Variants in SPRYD7 observed in about 807,000 individuals in gnomAD.
SPRYD7 encodes SPRY domain containing 7, also known as SPRY domain-containing protein 7.
SPRYD7 carries 14 observed loss-of-function variants against 23.8 expected under a neutral mutation model. The observed-to-expected ratio is 0.59, with a 90% CI of 0.39 to 0.92. SPRYD7 has a LOEUF of 0.92. SPRYD7 is among the 40% of genes least tolerant of loss of function. The pLI is 0.00. For synonymous variants in SPRYD7, 75 were observed against 84.9 expected, an observed-to-expected ratio of 0.88 and a Z score of 0.64; for missense variants, 194 against 241.7, an observed-to-expected ratio of 0.80 and a Z score of 1.31.
intron 3 of SPRYD7, among the ~76,000 whole-genome samples, chr13:49,924,899 C>A (rs1261806626): frequency 2.0e-5 from 3 of 150,836 alleles, no homozygotes; most frequent in Admixed American, 6.6e-5. Flanking sequence ...CCGCTTGAAC[C>A]CGGGAGGTGA....
chr13:49,917,628 T>C (rs74078712), intron 4 of SPRYD7, among the ~76,000 whole-genome samples: 3,449 of 152,338 alleles, frequency 0.023, 70 homozygotes, highest in African/African-American at 0.048. Context: ...TTATGAAATA[T>C]AATTTAGTAT....
chr13:49,926,364 T>C (rs1449895564), intron 3 of SPRYD7, among the ~76,000 whole-genome samples: 1 of 152,232 alleles, frequency 6.6e-6, no homozygotes, highest in Non-Finnish European at 1.5e-5. Context: ...TTGAATTTCA[T>C]CTTTTAGGGT....
Position 49,936,251 on chromosome 13 carries a change from G to A in SPRYD7, c.-16C>T. Reference sequence around the variant, plus strand: ...AGGTGGCCATCGCGCAGGGACCACCGACTCCGCCGCCGTCCCTAGACCGAG... The same window carrying A: ...AGGTGGCCATCGCGCAGGGACCACCAACTCCGCCGCCGTCCCTAGACCGAG... On this transcript the variant is annotated 5_prime_UTR_variant, in exon 1 of 5. Coordinates refer to ENST00000361840, the MANE Select transcript of SPRYD7 (RefSeq NM_020456.4). 6 of 1,583,422 alleles carry A rather than the reference G, an allele frequency of 3.8e-6. No individual in the cohort carries two copies. The highest frequency in any genetic ancestry group is 1.4e-5 in the African/African-American group (1 of 73,648).
intron 4 of SPRYD7, among the ~76,000 whole-genome samples, chr13:49,916,959 TG>T (rs1955758921): frequency 6.6e-6 from 1 of 152,156 alleles, no homozygotes; most frequent in Non-Finnish European, 1.5e-5. Context: ...CTGTTTTTTT[TG>T]TAAGGTAGAA....
chr13:49,934,616 T>C (rs1230544380), intron 1 of SPRYD7, among the ~76,000 whole-genome samples: 2 of 151,280 alleles, frequency 1.3e-5, no homozygotes, highest in African/African-American at 4.9e-5. Context: ...GTTAGAAAAT[T>C]TGGAGATGAC....
At chr13:49,927,643 A>G (rs1180909521) in intron 3 of SPRYD7, among the ~76,000 whole-genome samples, 1 of 152,234 alleles carries the variant, frequency 6.6e-6, no homozygotes, top group Non-Finnish European at 1.5e-5. Flanking sequence ...AGAAACAGGA[A>G]TGTGTGATCA....
chr13:49,936,028 GCGC>G, intron 1 of SPRYD7, 99 bp downstream of exon 1: 1 of 629,244 alleles, frequency 1.6e-6, no homozygotes, highest in Non-Finnish European at 2.5e-6. Flanking sequence ...AGCGTCGCCG[GCGC>G]GGCGGGGCAG....
At chr13:49,915,480 A>T (rs1955742151) in intron 4 of SPRYD7, among the ~76,000 whole-genome samples, 1 of 152,192 alleles carries the variant, frequency 6.6e-6, no homozygotes, top group Non-Finnish European at 1.5e-5. Context: ...TATAATTAAG[A>T]CATATTACTT....
Position 49,915,030 on chromosome 13 carries a change from G to T in SPRYD7, c.*33C>A. On this transcript the variant is annotated 3_prime_UTR_variant, in exon 5 of 5. Transcript: ENST00000361840. The stretch of plus-strand genomic sequence containing the variant: ...ATTAAATGATGAACATTTTTTAACA[G>T]TGCAGAAATACAAGTTTTAAAAACA... 2 of 1,235,770 alleles carry T rather than the reference G, an allele frequency of 1.6e-6. No homozygotes were observed. Among genetic ancestry groups the T allele is most frequent in the Non-Finnish European group, 2.3e-6 (2 of 864,004 alleles). 76.6% of individuals were successfully genotyped at this position (1,235,770 alleles called of 1,614,324 possible). A position where few individuals can be genotyped will look rare whatever the true frequency, so the allele number is the denominator to read the frequency against.
Position 49,914,961 on chromosome 13 carries a change from T to A in SPRYD7, c.*102A>T. On this transcript the variant is annotated 3_prime_UTR_variant, in exon 5 of 5. Coordinates refer to ENST00000361840, the MANE Select transcript of SPRYD7 (RefSeq NM_020456.4). ...GTTCCTTAGACAGCATCAACAAGCA[T>A]ATTTTTAAGAATATATTTTCATCTA... is the stretch of plus-strand genomic sequence containing the variant. 8.9e-6 allele frequency: 5 copies of A among 562,960 alleles called. No individual in the cohort carries two copies. Among genetic ancestry groups the A allele is most frequent in the Non-Finnish European group, 1.5e-5 (5 of 332,310 alleles). The allele number at this position is 562,960 out of a possible 1,614,324, so 34.9% of individuals were successfully genotyped here. A position where few individuals can be genotyped will look rare whatever the true frequency, so the allele number is the denominator to read the frequency against.
chr13:49,916,144 G>A (rs145984329), intron 4 of SPRYD7, among the ~76,000 whole-genome samples: 44 of 152,140 alleles, frequency 2.9e-4, no homozygotes, highest in Admixed American at 9.2e-4. Context: ...AAACATGACC[G>A]TAAAGCAAAG....
intron 1 of SPRYD7, 53 bp downstream of exon 1, chr13:49,936,077 C>T (rs1333522239): frequency 1.4e-6 from 2 of 1,410,840 alleles, no homozygotes; most frequent in African/African-American, 1.5e-5. Context: ...TCCCCCTGCC[C>T]GCCGCGCCCG....
rs1319500184 is a variant in SPRYD7 at position 49,915,127 on chromosome 13, C to T, written c.527G>A (p.Ser176Asn). ...AGGTGGAGGCGTATGATAAAACTCA[C>T]TGAACTGGCAATCCAAAATTGCACT... Reference protein sequence around the residue: ...DDSAILDCQFSEFYHTPPPGF... With the variant: ...DDSAILDCQFNEFYHTPPPGF... The change falls in exon 5 of 5, where the codon AGT (serine) becomes AAT (asparagine). Residue 176 changes from serine to asparagine, a missense_variant. Physicochemically the swap from Ser to Asn is conservative, Grantham distance 46. Coordinates refer to ENST00000361840, the MANE Select transcript of SPRYD7 (RefSeq NM_020456.4). 1 of 1,574,376 alleles carries T rather than the reference C, an allele frequency of 6.4e-7. No homozygotes were observed. Among genetic ancestry groups the T allele is most frequent in the East Asian group, 2.3e-5 (1 of 43,268 alleles).
At chr13:49,924,269 G>A (rs966931036) in intron 3 of SPRYD7, among the ~76,000 whole-genome samples, 33 of 152,046 alleles carry the variant, frequency 2.2e-4, no homozygotes, top group African/African-American at 8.0e-4. Flanking sequence ...TTACAGGCGT[G>A]AGCCACCGCA....
chr13:49,930,946 T>C, intron 2 of SPRYD7, 72 bp downstream of exon 2: 1 of 926,392 alleles, frequency 1.1e-6, no homozygotes, highest in Non-Finnish European at 1.6e-6. Context: ...TGAATCTTTT[T>C]TATGTGTTAC....
intron 4 of SPRYD7, among the ~76,000 whole-genome samples, chr13:49,918,293 G>C (rs940770807): frequency 6.6e-6 from 1 of 152,052 alleles, no homozygotes; most frequent in African/African-American, 2.4e-5. Flanking sequence ...TCAACTCCTG[G>C]ACTCGAGCAA....
intron 3 of SPRYD7, among the ~76,000 whole-genome samples, chr13:49,926,477 A>T (rs1290196913): frequency 6.6e-6 from 1 of 152,214 alleles, no homozygotes. Flanking sequence ...TGATCTACAA[A>T]TACAGAACCA....
Position 49,912,879 on chromosome 13 carries a change from T to C in SPRYD7, c.*2184A>G, listed in dbSNP as rs1481780581. ...AATAAATGTTACTCAAGTATATCTA[T>C]GTTTTCAAAGCATATTGTCACATTT... On this transcript the variant is annotated 3_prime_UTR_variant, in exon 5 of 5. Coordinates refer to ENST00000361840, the MANE Select transcript of SPRYD7 (RefSeq NM_020456.4). 6.6e-6 allele frequency: 1 copy of C among 152,180 alleles called. No individual in the cohort carries two copies. The highest frequency in any genetic ancestry group is 1.5e-5 in the Non-Finnish European group (1 of 68,032). The allele number at this position is 152,180 out of a possible 1,614,324, so 9.4% of individuals were successfully genotyped here. A position where few individuals can be genotyped will look rare whatever the true frequency, so the allele number is the denominator to read the frequency against.
Position 49,912,889 on chromosome 13 carries a change from G to A in SPRYD7, c.*2174C>T, listed in dbSNP as rs1955706890. The A allele has an allele frequency of 6.6e-6, 1 of 152,068 alleles. No individual in the cohort carries two copies. The highest frequency in any genetic ancestry group is 6.6e-5 in the Admixed American group (1 of 15,250). 9.4% of individuals were successfully genotyped at this position (152,068 alleles called of 1,614,324 possible). On this transcript the variant is annotated 3_prime_UTR_variant, in exon 5 of 5. Transcript: ENST00000361840. ...ACTCAAGTATATCTATGTTTTCAAAGCATATTGTCACATTTTTGTCTGCAG... is the reference window on the plus strand; with the variant it reads ...ACTCAAGTATATCTATGTTTTCAAAACATATTGTCACATTTTTGTCTGCAG...
Sources: gnomAD v4.1 joint callset for allele counts (sites outside exome capture counted in the v4.1 genomes callset) on GRCh38, gnomAD v4.1.1 for gene constraint, MANE v1.5 for transcripts, NCBI Gene and HGNC (gene_info 2026-07-23, HGNC 2026-07-21) for gene names.